Variants in FAM13A observed in about 807,000 individuals in gnomAD.
FAM13A encodes family with sequence similarity 13 member A, also known as protein FAM13A.
FAM13A carries 76 observed loss-of-function variants against 129.6 expected under a neutral mutation model. The ratio of observed to expected loss-of-function variants is 0.59; its 90% CI spans 0.49 to 0.71. The LOEUF (loss-of-function observed/expected upper bound fraction) is 0.71, where lower values mean the gene tolerates loss of function less well. Among genes scored for constraint, FAM13A ranks in the 30% least tolerant of loss-of-function variants. The pLI is 0.00. For synonymous variants in FAM13A, 443 were observed against 449.9 expected, an observed-to-expected ratio of 0.98 and a Z score of 0.20; for missense variants, 1,108 against 1,249.3, an observed-to-expected ratio of 0.89 and a Z score of 1.70.
At chr4:88,729,235 GCCCTGTGCTAAGTACTTTGTA>G (rs1464419705) in intron 23 of FAM13A, 1 of 152,578 alleles carries the variant, frequency 6.6e-6, no homozygotes, top group Non-Finnish European at 1.5e-5. Context: ...TATAGGTCAA[GCCCTGTGCTAAGTACTTTGTA>G]CCCATGATCT....
intron 6 of FAM13A, among the ~76,000 whole-genome samples, chr4:88,890,241 A>T (rs1745104924): frequency 6.6e-6 from 1 of 152,180 alleles, no homozygotes; most frequent in Non-Finnish European, 1.5e-5. Context: ...GTTCAAACTG[A>T]GCCTAAGCTT....
intron 4 of FAM13A, among the ~76,000 whole-genome samples, chr4:88,951,557 G>A (rs547146229): frequency 6.6e-6 from 1 of 152,202 alleles, no homozygotes; most frequent in East Asian, 1.9e-4. Flanking sequence ...CAGTTTGAAT[G>A]ACTCAAGTAA....
chr4:88,920,253 GGACCCCT>G (rs537853144), intron 5 of FAM13A, among the ~76,000 whole-genome samples: 129 of 152,260 alleles, frequency 8.5e-4, no homozygotes, highest in African/African-American at 2.9e-3. Context: ...CTCCTCAAGT[GGACCCCT>G]GACCCCTGAC....
intron 8 of FAM13A, among the ~76,000 whole-genome samples, chr4:88,799,731 C>A (rs1255718554): frequency 2.0e-5 from 3 of 152,204 alleles, no homozygotes; most frequent in African/African-American, 7.2e-5. Context: ...GATCCACCCG[C>A]CTTGGCCTCC....
chr4:89,026,366 C>T (rs1270806102), intron 2 of FAM13A, among the ~76,000 whole-genome samples: 3 of 152,182 alleles, frequency 2.0e-5, no homozygotes, highest in African/African-American at 7.2e-5. Context: ...TTCTAAGAAT[C>T]TGGCCTTTTT....
At chr4:88,919,803 G>A (rs1342891618) in intron 5 of FAM13A, among the ~76,000 whole-genome samples, 7 of 152,366 alleles carry the variant, frequency 4.6e-5, no homozygotes, top group African/African-American at 1.7e-4. Context: ...GTCAAAGAAA[G>A]GGGTGACAGA....
chr4:88,872,717 T>C (rs1376922221), intron 6 of FAM13A, among the ~76,000 whole-genome samples: 1 of 152,162 alleles, frequency 6.6e-6, no homozygotes, highest in African/African-American at 2.4e-5. Flanking sequence ...CTGTCAATAT[T>C]AGACAGATCA....
At chr4:88,838,479 T>G (rs1000932271) in intron 7 of FAM13A, among the ~76,000 whole-genome samples, 18 of 152,166 alleles carry the variant, frequency 1.2e-4, no homozygotes, top group Non-Finnish European at 2.5e-4. Flanking sequence ...GGCTCATGCC[T>G]GTAATCCCAG....
intron 11 of FAM13A, among the ~76,000 whole-genome samples, chr4:88,774,648 G>C (rs1185855426): frequency 6.6e-6 from 1 of 152,190 alleles, no homozygotes; most frequent in African/African-American, 2.4e-5. Context: ...GTGAGTAGAA[G>C]CTTGGAGACA....
intron 6 of FAM13A, among the ~76,000 whole-genome samples, chr4:88,869,905 A>G (rs1033093061): frequency 2.0e-5 from 3 of 152,210 alleles, no homozygotes; most frequent in African/African-American, 4.8e-5. Context: ...AGCAAAATCA[A>G]TATGTGCCCA....
At chr4:88,993,805 C>G (rs1172639979) in intron 3 of FAM13A, among the ~76,000 whole-genome samples, 1 of 151,924 alleles carries the variant, frequency 6.6e-6, no homozygotes, top group Non-Finnish European at 1.5e-5. Flanking sequence ...TCAAGACCAG[C>G]CTGACCAACA....
At chr4:88,932,313 G>A (rs1433944500) in intron 5 of FAM13A, among the ~76,000 whole-genome samples, 1 of 152,148 alleles carries the variant, frequency 6.6e-6, no homozygotes, top group Non-Finnish European at 1.5e-5. Context: ...TCAATTACTT[G>A]TGAGGTTACT....
At chr4:89,018,396 C>A (rs1419173216) in intron 3 of FAM13A, among the ~76,000 whole-genome samples, 2 of 152,202 alleles carry the variant, frequency 1.3e-5, no homozygotes, top group Non-Finnish European at 2.9e-5. Flanking sequence ...CTTGGACTTG[C>A]AGCCTCCAGG....
At chr4:88,838,875 T>C (rs1370892061) in intron 7 of FAM13A, among the ~76,000 whole-genome samples, 3 of 152,244 alleles carry the variant, frequency 2.0e-5, no homozygotes, top group African/African-American at 7.2e-5. Context: ...CAGCTCCTTA[T>C]AGTTGCAGAT....
rs1736709069 is a variant in FAM13A, at chr4:88,727,669, C to G, written c.*864G>C. 6.6e-6 allele frequency: 1 copy of G among 152,248 alleles called. No individual in the cohort carries two copies. The highest frequency in any genetic ancestry group is 1.5e-5 in the Non-Finnish European group (1 of 68,080). 9.4% of individuals were successfully genotyped at this position (152,248 alleles called of 1,614,324 possible). ...TGGCTAGTGCCACAACAAAACAGCC[C>G]CAAACAGATTGCCATGAGCATGCTA... On this transcript the variant is annotated 3_prime_UTR_variant, in exon 24 of 24. Coordinates refer to ENST00000264344, the MANE Select transcript of FAM13A (RefSeq NM_014883.4).
intron 6 of FAM13A, among the ~76,000 whole-genome samples, chr4:88,894,960 T>C (rs759083622): frequency 2.6e-5 from 4 of 152,236 alleles, no homozygotes; most frequent in South Asian, 2.1e-4. Context: ...AATAATACTA[T>C]TCCATATTCA....
intron 4 of FAM13A, among the ~76,000 whole-genome samples, chr4:88,949,534 G>T (rs541443959): frequency 6.6e-6 from 1 of 152,134 alleles, no homozygotes; most frequent in African/African-American, 2.4e-5. Flanking sequence ...TTCCAAATTT[G>T]TACTCTCCTG....
chr4:88,958,887 G>C (rs1000261035), intron 4 of FAM13A, among the ~76,000 whole-genome samples: 1 of 152,212 alleles, frequency 6.6e-6, no homozygotes, highest in Non-Finnish European at 1.5e-5. Context: ...AAGCCAAAAG[G>C]GTAGGGCTGC....
intron 8 of FAM13A, among the ~76,000 whole-genome samples, chr4:88,804,071 A>G (rs1280803678): frequency 6.6e-6 from 1 of 151,982 alleles, no homozygotes; most frequent in Non-Finnish European, 1.5e-5. Context: ...CCTGGCCAAG[A>G]TGGTGAAACC....
Sources: allele counts gnomAD v4.1 joint callset (sites outside exome capture counted in the v4.1 genomes callset), GRCh38; gene constraint gnomAD v4.1.1; transcripts MANE v1.5; gene names NCBI Gene and HGNC (gene_info 2026-07-23, HGNC 2026-07-21).